The following ITGA4 variants were observed in gnomAD, a reference collection of about 807,000 sequenced individuals.
ITGA4 encodes the protein integrin subunit alpha 4, also known as integrin alpha-4.
ITGA4 carries 63 observed loss-of-function variants against 133.6 expected under a neutral mutation model. The ratio of observed to expected loss-of-function variants is 0.47; its 90% CI spans 0.38 to 0.58. ITGA4 has a LOEUF of 0.58. Ranked by LOEUF, ITGA4 falls within the 20% of genes least tolerant of loss-of-function variation. ITGA4 has a pLI of 0.00. For synonymous variants in ITGA4, 483 were observed against 438.0 expected (o/e 1.10, Z -1.28); for missense variants, 1,076 against 1,252.7 (o/e 0.86, Z 2.13).
At chr2:181,524,990 AG>A (rs1686804032) in intron 20 of ITGA4, among the ~76,000 whole-genome samples, 1 of 152,120 alleles carries the variant, frequency 6.6e-6, no homozygotes, top group African/African-American at 2.4e-5. Flanking sequence ...ATCTAGCATT[AG>A]AAGCAAATGA....
At chr2:181,494,899 G>A in intron 12 of ITGA4, 87 bp downstream of exon 12, 1 of 725,138 alleles carries the variant, frequency 1.4e-6, no homozygotes, top group Non-Finnish European at 2.4e-6. Flanking sequence ...AAACTGGTAT[G>A]AAAGACTTCA....
At chr2:181,508,802 A>G (rs981117790) in intron 15 of ITGA4, among the ~76,000 whole-genome samples, 3 of 152,054 alleles carry the variant, frequency 2.0e-5, no homozygotes, top group Non-Finnish European at 4.4e-5. Flanking sequence ...TACTTTTCCT[A>G]TATACCATTC....
rs1686137059 is a variant in ITGA4, at chr2:181,495,405, T to C, written c.1374T>C (p.Ala458=). ...VAVGAFRSDS[A]VLLRTRPVVI... ...TTGGTGCTTTTCGGTCTGATTCTGC[T>C]GTCTTGCTAAGGTAAGACTGATATA... Residue 458 remains alanine, a synonymous_variant, in exon 13 of 28, where the codon GCT becomes GCC. Transcript: ENST00000397033. This position sits in a 1 kb window ranked among gnomAD's most constrained non-coding sequence, Gnocchi z 4.3. 6.2e-7 allele frequency: 1 copy of C among 1,610,330 alleles called. No homozygotes were observed. The highest frequency in any genetic ancestry group is 8.5e-7 in the Non-Finnish European group (1 of 1,176,664).
intron 10 of ITGA4, among the ~76,000 whole-genome samples, chr2:181,486,992 T>C (rs2105737611): frequency 6.6e-6 from 1 of 152,318 alleles, no homozygotes; most frequent in Non-Finnish European, 1.5e-5. Context: ...ATAAAATGCA[T>C]TATTCTACAT....
intron 16 of ITGA4, among the ~76,000 whole-genome samples, chr2:181,510,355 A>G (rs1299514313): frequency 1.3e-5 from 2 of 152,148 alleles, no homozygotes; most frequent in Non-Finnish European, 2.9e-5. Flanking sequence ...GATGGATCCT[A>G]CATTCTAACC....
Position 181,537,236 on chromosome 2 carries a change from T to G in ITGA4, c.*1709T>G, listed in dbSNP as rs1480809070. The G allele has an allele frequency of 4.4e-6, 2 of 453,920 alleles. No homozygotes were observed. Among genetic ancestry groups the G allele is most frequent in the Non-Finnish European group, 8.8e-6 (2 of 226,724 alleles). The allele number at this position is 453,920 out of a possible 1,614,324, so 28.1% of individuals were successfully genotyped here. On this transcript the variant is annotated 3_prime_UTR_variant, in exon 28 of 28. Transcript: ENST00000397033. ...GAACTGTCTTCTCCAGGATGGTCTC[T>G]AAGGAAATTTACATTTGGTTCTTTC...
At chr2:181,486,140 A>G (rs1214262376) in intron 10 of ITGA4, 148 bp downstream of exon 10, 10 of 954,000 alleles carry the variant, frequency 1.0e-5, no homozygotes, top group Admixed American at 3.6e-5. Flanking sequence ...TTAGTGTTAT[A>G]TATGACTTCT....
At chr2:181,485,789 T>G in intron 9 of ITGA4, 92 bp from the exon 10 acceptor site, 1 of 1,059,890 alleles carries the variant, frequency 9.4e-7, no homozygotes, top group South Asian at 1.4e-5. Context: ...GTTTGACACA[T>G]TAGAAAAAAT....
intron 17 of ITGA4, among the ~76,000 whole-genome samples, chr2:181,518,403 C>A (rs1686653016): frequency 6.6e-6 from 1 of 152,044 alleles, no homozygotes; most frequent in Non-Finnish European, 1.5e-5. Flanking sequence ...GGATCATTTT[C>A]TCTAATTCTC....
rs1014522323 is a variant in ITGA4 at position 181,516,828 on chromosome 2, C to T, written c.1922+5053C>T. On this transcript the variant is annotated intron_variant, in intron 17 of 27. Transcript: ENST00000397033. This position sits in a 1 kb window ranked among gnomAD's most constrained non-coding sequence, Gnocchi z 4.0. ...AATGAGCAAGGAGCAACATCTGCCA[C>T]CATGCTGTTAATTCCCGAAAGAGCT... Among the ~76,000 whole-genome samples, 4 of 152,046 alleles carry T rather than the reference C, an allele frequency of 2.6e-5. No individual in the cohort carries two copies. Among genetic ancestry groups the T allele is most frequent in the African/African-American group, 9.7e-5 (4 of 41,414 alleles).
At chr2:181,472,850 C>A (rs541223759) in intron 2 of ITGA4, among the ~76,000 whole-genome samples, 3 of 152,124 alleles carry the variant, frequency 2.0e-5, no homozygotes, top group Non-Finnish European at 4.4e-5. Context: ...TTCATCCCTT[C>A]CTTTCTCAAG....
intron 10 of ITGA4, among the ~76,000 whole-genome samples, chr2:181,486,646 T>C (rs1419425798): frequency 1.3e-5 from 2 of 152,204 alleles, no homozygotes; most frequent in African/African-American, 4.8e-5. Flanking sequence ...TGGATGTCAG[T>C]CCTGTTGTTG....
chr2:181,464,622 A>T (rs1685369064), intron 2 of ITGA4, among the ~76,000 whole-genome samples: 1 of 152,138 alleles, frequency 6.6e-6, no homozygotes, highest in Non-Finnish European at 1.5e-5. Context: ...GGTTTTGAAG[A>T]GCACATGTAA....
chr2:181,508,263 T>G (rs1337023471), intron 15 of ITGA4, among the ~76,000 whole-genome samples: 1 of 151,884 alleles, frequency 6.6e-6, no homozygotes. Context: ...GAGTAAGAAA[T>G]GCTGTGTAGA....
At chr2:181,499,908 A>G (rs906508767) in intron 15 of ITGA4, among the ~76,000 whole-genome samples, 2 of 152,342 alleles carry the variant, frequency 1.3e-5, no homozygotes, top group Non-Finnish European at 2.9e-5. Context: ...AATTTGTAAA[A>G]GTGATCTGGT....
intron 2 of ITGA4, among the ~76,000 whole-genome samples, chr2:181,461,814 T>G (rs1382994659): frequency 1.3e-5 from 2 of 152,168 alleles, no homozygotes; most frequent in Non-Finnish European, 2.9e-5. Flanking sequence ...CAGTATAGTA[T>G]CCACTAACCA....
intron 25 of ITGA4, among the ~76,000 whole-genome samples, chr2:181,533,488 G>T (rs1686988336): frequency 6.6e-6 from 1 of 152,024 alleles, no homozygotes; most frequent in Non-Finnish European, 1.5e-5. Flanking sequence ...TTGTTTTGGG[G>T]GGTTGTCCTG....
At chr2:181,476,029 G>T (rs1298363664) in intron 4 of ITGA4, 2 of 899,922 alleles carry the variant, frequency 2.2e-6, no homozygotes, top group Admixed American at 3.5e-5. Flanking sequence ...AATTTTATTG[G>T]TTGGCAAAAC....
intron 5 of ITGA4, chr2:181,479,666 C>G (rs1685761251): frequency 6.6e-6 from 1 of 152,040 alleles, no homozygotes; most frequent in Admixed American, 6.6e-5. Flanking sequence ...ACTTTTTTCC[C>G]TAAGCTAACA....
Sources: allele counts gnomAD v4.1 joint callset (sites outside exome capture counted in the v4.1 genomes callset), GRCh38; gene constraint gnomAD v4.1.1; non-coding constraint Gnocchi (gnomAD v3.1); transcripts MANE v1.5; gene names NCBI Gene and HGNC (gene_info 2026-07-23, HGNC 2026-07-21).